The following PPP1R21 variants were observed in gnomAD, a reference collection of about 807,000 sequenced individuals.
The protein encoded by PPP1R21 is KLRAQ motif containing 1.
PPP1R21 carries 85 observed loss-of-function variants against 112.8 expected under a neutral mutation model. The observed-to-expected ratio is 0.75, with a 90% confidence interval of 0.63 to 0.90. The LOEUF (loss-of-function observed/expected upper bound fraction) is 0.90, where lower values mean the gene tolerates loss of function less well. Ranked by LOEUF, PPP1R21 falls within the 40% of genes least tolerant of loss-of-function variation. The pLI is 0.00. For missense variants in PPP1R21, 1,199 were observed against 901.5 expected, an observed-to-expected ratio of 1.33 and a Z score of -4.23; for synonymous variants, 381 against 322.3, an observed-to-expected ratio of 1.18 and a Z score of -1.95.
intron 18 of PPP1R21, among the ~76,000 whole-genome samples, chr2:48,506,565 C>A (rs922458203): frequency 6.6e-6 from 1 of 152,200 alleles, no homozygotes; most frequent in Non-Finnish European, 1.5e-5. Context: ...AAACTAAACT[C>A]AACAGGGTGT....
rs1669954098 is a variant in PPP1R21 at position 48,498,548 on chromosome 2, T to C, written c.1748T>C (p.Met583Thr). ...SKLEQEKEHW[M>T]LEAQLAKIKL... ...CTGGAGCAGGAAAAAGAACATTGGATGTTGGAAGCACAATTAGCCAAAATC... is the reference window on the plus strand; with the variant it reads ...CTGGAGCAGGAAAAAGAACATTGGACGTTGGAAGCACAATTAGCCAAAATC... Residue 583 changes from methionine to threonine, a missense_variant, in exon 17 of 22, where the codon ATG (methionine) becomes ACG (threonine). By Grantham distance (81) the Met-to-Thr change is moderately conservative. Coordinates refer to ENST00000294952, the MANE Select transcript of PPP1R21 (RefSeq NM_001135629.3). 1 of 1,614,166 alleles carries C rather than the reference T, an allele frequency of 6.2e-7. No individual in the cohort carries two copies. The highest frequency in any genetic ancestry group is 1.3e-5 in the African/African-American group (1 of 75,052).
At chr2:48,492,548 A>T (rs539297620) in intron 15 of PPP1R21, among the ~76,000 whole-genome samples, 4 of 152,226 alleles carry the variant, frequency 2.6e-5, no homozygotes, top group African/African-American at 9.6e-5. Context: ...GGTTAATTCT[A>T]CTTTTTTACT....
At chr2:48,492,120 A>G (rs1216238089) in intron 15 of PPP1R21, among the ~76,000 whole-genome samples, 1 of 152,200 alleles carries the variant, frequency 6.6e-6, no homozygotes, top group African/African-American at 2.4e-5. Context: ...CTCATCTTTA[A>G]ACGTTTTAAC....
chr2:48,500,223 A>G (rs1670046507), intron 17 of PPP1R21, among the ~76,000 whole-genome samples: 1 of 152,182 alleles, frequency 6.6e-6, no homozygotes, highest in Admixed American at 6.6e-5. Flanking sequence ...TTAGGAGAAT[A>G]TCTTTACTTT....
At chr2:48,489,136 C>T (rs1430238925) in intron 14 of PPP1R21, among the ~76,000 whole-genome samples, 3 of 152,120 alleles carry the variant, frequency 2.0e-5, no homozygotes, top group Admixed American at 6.5e-5. Flanking sequence ...CTCTGTTTTA[C>T]AGATTACTTT....
chr2:48,487,512 C>T (rs1669358552), intron 14 of PPP1R21, among the ~76,000 whole-genome samples: 1 of 152,040 alleles, frequency 6.6e-6, no homozygotes, highest in South Asian at 2.1e-4. Context: ...CCTGTAATCC[C>T]AGCACTTCGA....
intron 3 of PPP1R21, among the ~76,000 whole-genome samples, chr2:48,456,985 G>A (rs1412188393): frequency 6.6e-6 from 1 of 151,912 alleles, no homozygotes; most frequent in African/African-American, 2.4e-5. Context: ...CCAGGAAGCC[G>A]AGGTTGCAGT....
intron 7 of PPP1R21, 80 bp downstream of exon 7, chr2:48,461,312 T>G (rs1351399879): frequency 7.2e-7 from 1 of 1,397,976 alleles, no homozygotes; most frequent in Non-Finnish European, 9.3e-7. Context: ...TAATTTTTAA[T>G]CTTTTGGGCA....
chr2:48,485,973 A>G (rs1295524633), intron 13 of PPP1R21, among the ~76,000 whole-genome samples: 3 of 147,948 alleles, frequency 2.0e-5, no homozygotes, highest in Non-Finnish European at 3.0e-5. Flanking sequence ...AGTTTTATAT[A>G]TTATATTAAT....
chr2:48,463,130 G>A (rs1668048355), intron 7 of PPP1R21, among the ~76,000 whole-genome samples: 1 of 152,340 alleles, frequency 6.6e-6, no homozygotes, highest in Middle Eastern at 3.4e-3. Context: ...TGAAAGACTA[G>A]ACTTTGGCAG....
chr2:48,457,832 G>T (rs1488527284), intron 3 of PPP1R21, among the ~76,000 whole-genome samples: 1 of 152,148 alleles, frequency 6.6e-6, no homozygotes, highest in Non-Finnish European at 1.5e-5. Flanking sequence ...AGCTTTCTAG[G>T]TCTGCTCCGT....
chr2:48,500,855 G>A (rs1326999282), intron 17 of PPP1R21, among the ~76,000 whole-genome samples: 1 of 152,094 alleles, frequency 6.6e-6, no homozygotes, highest in Non-Finnish European at 1.5e-5. Flanking sequence ...GTCGCAGTGA[G>A]CTGAGATCAT....
chr2:48,505,190 T>A (rs761909337), intron 17 of PPP1R21, among the ~76,000 whole-genome samples: 15 of 152,244 alleles, frequency 9.9e-5, no homozygotes, highest in Non-Finnish European at 1.9e-4. Flanking sequence ...TTAATTATTA[T>A]GGTCACCGTA....
chr2:48,501,335 T>G (rs1184279668), intron 17 of PPP1R21, among the ~76,000 whole-genome samples: 1 of 152,224 alleles, frequency 6.6e-6, no homozygotes, highest in Non-Finnish European at 1.5e-5. Flanking sequence ...CATTCCTTCC[T>G]TCTTCTTAGA....
chr2:48,503,685 C>T (rs1453893668), intron 17 of PPP1R21, among the ~76,000 whole-genome samples: 3 of 151,986 alleles, frequency 2.0e-5, no homozygotes, highest in South Asian at 2.1e-4. Flanking sequence ...CGGTGGCTCA[C>T]GCCTGTAATC....
chr2:48,454,598 C>T lies in PPP1R21; in HGVS notation c.130C>T (p.Gln44Ter). The change falls in exon 3 of 22, where the codon CAA (glutamine) becomes TAA (stop). Residue 44 changes from glutamine (Q) to a stop codon, truncating the protein, a stop_gained. Coordinates refer to ENST00000294952, the MANE Select transcript of PPP1R21 (RefSeq NM_001135629.3). LOFTEE classifies it high-confidence loss of function. Reference sequence around the variant, plus strand: ...ATCTGTTTTCACTTTGATATAGGAGCAACTGAAAATGAAGGATCAGTCATT... The same window carrying T: ...ATCTGTTTTCACTTTGATATAGGAGTAACTGAAAATGAAGGATCAGTCATT... ...EQANSAALKE[Q>*]LKMKDQSLRK... 3 of 1,614,036 alleles carry T rather than the reference C, an allele frequency of 1.9e-6. No homozygotes were observed. Among genetic ancestry groups the T allele is most frequent in the Non-Finnish European group, 2.5e-6 (3 of 1,179,932 alleles).
intron 14 of PPP1R21, 52 bp from the exon 15 acceptor site, chr2:48,490,966 T>G (rs769478142): frequency 2.2e-5 from 32 of 1,488,070 alleles, no homozygotes; most frequent in African/African-American, 2.8e-5. Context: ...GATATATATT[T>G]TAGATATATT....
chr2:48,460,846 T>G (rs1667946391), intron 6 of PPP1R21, among the ~76,000 whole-genome samples: 1 of 152,218 alleles, frequency 6.6e-6, no homozygotes, highest in Non-Finnish European at 1.5e-5. Context: ...GGGGAAATAT[T>G]ATTTCTAAGA....
In PPP1R21 at chr2:48,465,570, C is replaced by G. The variant is rs375244616; in HGVS notation, c.825C>G (p.Thr275=). The part of the protein sequence containing the change: ...DLVTALLNFH[T]YTEQRIQIFP... ...TGACGGCTCTTCTAAACTTTCATAC[C>G]TACACAGAACAGAGGATTCAAATTT... Residue 275 remains threonine (T), a synonymous_variant, in exon 9 of 22, where the codon ACC becomes ACG. Coordinates refer to ENST00000294952, the MANE Select transcript of PPP1R21 (RefSeq NM_001135629.3). 6 of 1,613,830 alleles carry G rather than the reference C, an allele frequency of 3.7e-6. No homozygotes were observed. Among genetic ancestry groups the G allele is most frequent in the Non-Finnish European group, 4.2e-6 (5 of 1,179,808 alleles).
Sources: gnomAD v4.1 joint callset for allele counts (sites outside exome capture counted in the v4.1 genomes callset) on GRCh38, gnomAD v4.1.1 for gene constraint, MANE v1.5 for transcripts, NCBI Gene and HGNC (gene_info 2026-07-23, HGNC 2026-07-21) for gene names.